CEP41: variants seen among roughly 807,000 people sequenced by gnomAD.
CEP41 encodes centrosomal protein of 41 kDa.
In CEP41, 32 loss-of-function variants were observed where a neutral mutation model predicts 44.3. The observed-to-expected ratio is 0.72, with a 90% CI of 0.54 to 0.97. CEP41 has a LOEUF of 0.97. Among genes scored for constraint, CEP41 ranks in the 50% least tolerant of loss-of-function variants. CEP41 has a pLI of 0.00. For missense variants in CEP41, 432 were observed against 455.2 expected, an observed-to-expected ratio of 0.95 and a Z score of 0.46; for synonymous variants, 151 against 168.5, an observed-to-expected ratio of 0.90 and a Z score of 0.80.
chr7:130,416,430 TA>T (rs1797337988), intron 3 of CEP41, among the ~76,000 whole-genome samples: 1 of 152,214 alleles, frequency 6.6e-6, no homozygotes, highest in African/African-American at 2.4e-5. Flanking sequence ...GATTTTTAAT[TA>T]AAAGAAAACA....
intron 2 of CEP41, among the ~76,000 whole-genome samples, chr7:130,427,643 G>A (rs1378482751): frequency 6.6e-6 from 1 of 152,156 alleles, no homozygotes; most frequent in Admixed American, 6.5e-5. Flanking sequence ...CAAAATAGAG[G>A]CTGACCTCCT....
rs116540643 is a variant in CEP41 at position 130,398,145 on chromosome 7, G to A, written c.*746C>T. Reference sequence around the variant, plus strand: ...TGGTGGGCTTCAAGGGGCACAGGCCGGTGTGGTGGCCAGGGCTTTCCCATG... The same window carrying A: ...TGGTGGGCTTCAAGGGGCACAGGCCAGTGTGGTGGCCAGGGCTTTCCCATG... On this transcript the variant is annotated 3_prime_UTR_variant, in exon 11 of 11. Transcript: ENST00000223208. 115 of 453,786 alleles carry A rather than the reference G, an allele frequency of 2.5e-4. No homozygotes were observed. Among genetic ancestry groups the A allele is most frequent in the African/African-American group, 2.0e-3 (98 of 50,126 alleles). 28.1% of individuals were successfully genotyped at this position (453,786 alleles called of 1,614,324 possible).
At chr7:130,414,373 G>A (rs1350122324) in intron 3 of CEP41, among the ~76,000 whole-genome samples, 1 of 152,170 alleles carries the variant, frequency 6.6e-6, no homozygotes, top group Non-Finnish European at 1.5e-5. Flanking sequence ...CCTTTTGATT[G>A]CCACCAACTT....
Position 130,396,241 on chromosome 7 carries a change from G to C in CEP41, c.*2650C>G. 2.2e-6 allele frequency: 1 copy of C among 454,072 alleles called. No homozygotes were observed. The highest frequency in any genetic ancestry group is 4.4e-6 in the Non-Finnish European group (1 of 226,794). 28.1% of individuals were successfully genotyped at this position (454,072 alleles called of 1,614,324 possible). ...TCTGTCTCAGGGTTCACAAGCCCCAGACAAGGGCAGCTAGTCAACCCCTGA... is the reference window on the plus strand; with the variant it reads ...TCTGTCTCAGGGTTCACAAGCCCCACACAAGGGCAGCTAGTCAACCCCTGA... On this transcript the variant is annotated 3_prime_UTR_variant, in exon 11 of 11. Coordinates refer to ENST00000223208, the MANE Select transcript of CEP41 (RefSeq NM_018718.3).
chr7:130,398,835 G>C lies in CEP41; in HGVS notation c.*56C>G. 1 of 1,599,346 alleles carries C rather than the reference G, an allele frequency of 6.3e-7. No homozygotes were observed. Among genetic ancestry groups the C allele is most frequent in the Non-Finnish European group, 8.6e-7 (1 of 1,167,114 alleles). On this transcript the variant is annotated 3_prime_UTR_variant, in exon 11 of 11. Coordinates refer to ENST00000223208, the MANE Select transcript of CEP41 (RefSeq NM_018718.3). ...CTGGAAATGACCCAACTTGGGAAATGCTCAGGGGTTCTGAAAAGAGGAAGA... is the reference window on the plus strand; with the variant it reads ...CTGGAAATGACCCAACTTGGGAAATCCTCAGGGGTTCTGAAAAGAGGAAGA...
At chr7:130,437,761 T>C (rs1798010744) in intron 1 of CEP41, among the ~76,000 whole-genome samples, 1 of 55,086 alleles carries the variant, frequency 1.8e-5, no homozygotes, top group Non-Finnish European at 3.3e-5. Flanking sequence ...AGCAAGACTG[T>C]CTCAAAAAAA....
At chr7:130,434,290 C>T (rs1472744925) in intron 1 of CEP41, among the ~76,000 whole-genome samples, 1 of 151,954 alleles carries the variant, frequency 6.6e-6, no homozygotes, top group Non-Finnish European at 1.5e-5. Flanking sequence ...ATTACATATG[C>T]TATGTGAATT....
rs113953806 is a variant in CEP41 at position 130,414,941 on chromosome 7, G to A, written c.145+1978C>T. On this transcript the variant is annotated intron_variant, in intron 3 of 10. Coordinates refer to ENST00000223208, the MANE Select transcript of CEP41 (RefSeq NM_018718.3). The stretch of plus-strand genomic sequence containing the variant: ...AAGGTGTGCTTCTCCAGTAAGTCTA[G>A]GTTCTAAGTCTGTCTCTCTCGAGTT... 2.5e-3 allele frequency among the ~76,000 whole-genome samples: 374 copies of A among 152,232 alleles called. 1 individual carries two copies. Among genetic ancestry groups the A allele is most frequent in the African/African-American group, 8.7e-3 (360 of 41,536 alleles).
chr7:130,440,872 C>T, intron 1 of CEP41, 62 bp downstream of exon 1: 2 of 1,590,232 alleles, frequency 1.3e-6, no homozygotes. Context: ...CTTCCCTGCC[C>T]ACATGAGCCT....
intron 1 of CEP41, among the ~76,000 whole-genome samples, chr7:130,437,771 AAAAAAAAAAAAAAAAAAGAAAAAG>A (rs1425428604): frequency 8.6e-6 from 1 of 116,066 alleles, no homozygotes; most frequent in South Asian, 3.1e-4. Flanking sequence ...TCTCAAAAAA[AAAAAAAAAAAAAAAAAAGAAAAAG>A]AAAAAAAAAG....
chr7:130,423,100 C>T (rs1024246039), intron 2 of CEP41, among the ~76,000 whole-genome samples: 1 of 152,128 alleles, frequency 6.6e-6, no homozygotes, highest in Non-Finnish European at 1.5e-5. Context: ...GTGCACGCTG[C>T]CATGCCTGGC....
intron 7 of CEP41, among the ~76,000 whole-genome samples, chr7:130,402,180 T>TA (rs1243354632): frequency 7.9e-5 from 12 of 151,746 alleles, no homozygotes; most frequent in Non-Finnish European, 1.5e-4. Context: ...CTCATCTCTA[T>TA]AAAAAATACA....
chr7:130,440,009 AATTT>A (rs1798095661), intron 1 of CEP41, among the ~76,000 whole-genome samples: 1 of 151,920 alleles, frequency 6.6e-6, no homozygotes, highest in Non-Finnish European at 1.5e-5. Flanking sequence ...CACTAGACGC[AATTT>A]ATTTATTGTT....
At chr7:130,407,253 AACACACACACACACACACACACACAC>A (rs60030288) in intron 5 of CEP41, among the ~76,000 whole-genome samples, 1 of 129,340 alleles carries the variant, frequency 7.7e-6, no homozygotes, top group Middle Eastern at 3.5e-3. Flanking sequence ...AACAAGAGTA[AACACACACACACACACACACACACAC>A]ACACACACAC....
intron 1 of CEP41, among the ~76,000 whole-genome samples, chr7:130,439,649 C>CATGG (rs1232601133): frequency 6.6e-6 from 1 of 152,138 alleles, no homozygotes; most frequent in African/African-American, 2.4e-5. Flanking sequence ...ACCAATTGAC[C>CATGG]ATGGCTCTCT....
At chr7:130,419,175 G>T (rs1045838037) in intron 2 of CEP41, 33 of 985,202 alleles carry the variant, frequency 3.3e-5, no homozygotes, top group Non-Finnish European at 4.0e-5. Flanking sequence ...CAAGTTTTTT[G>T]CAATTATACA....
At chr7:130,399,194 T>G in intron 10 of CEP41, 155 bp from the exon 11 acceptor site, 10 of 773,808 alleles carry the variant, frequency 1.3e-5, no homozygotes, top group Admixed American at 2.3e-5. Context: ...GATGGCCTAC[T>G]CCTCATCCTT....
chr7:130,430,519 T>G (rs1797793443), intron 1 of CEP41, among the ~76,000 whole-genome samples: 1 of 152,186 alleles, frequency 6.6e-6, no homozygotes, highest in Non-Finnish European at 1.5e-5. Context: ...AATGCCAATT[T>G]CAATTCCTTC....
At chr7:130,414,612 T>C (rs1421751724) in intron 3 of CEP41, among the ~76,000 whole-genome samples, 2 of 152,266 alleles carry the variant, frequency 1.3e-5, no homozygotes, top group African/African-American at 2.4e-5. Context: ...TTCTAAAGAT[T>C]GGGATTTCTA....
Sources: gnomAD v4.1 joint callset for allele counts (sites outside exome capture counted in the v4.1 genomes callset) on GRCh38, gnomAD v4.1.1 for gene constraint, MANE v1.5 for transcripts, NCBI Gene and HGNC (gene_info 2026-07-23, HGNC 2026-07-21) for gene names.